SNAPC3: variants seen among roughly 807,000 people sequenced by gnomAD.
SNAPC3 encodes the protein snRNA-activating protein complex subunit 3.
SNAPC3 carries 56 observed loss-of-function variants against 47.7 expected under a neutral mutation model. That is an observed-to-expected ratio of 1.18 (90% CI 0.95 to 1.47). The LOEUF (loss-of-function observed/expected upper bound fraction) is 1.47, where lower values mean the gene tolerates loss of function less well. Ranked by LOEUF, SNAPC3 falls within the 40% of genes most tolerant of loss-of-function variation. The pLI is 0.00. For synonymous variants in SNAPC3, 235 were observed against 189.9 expected (o/e 1.24, Z -1.95); for missense variants, 665 against 511.3 (o/e 1.30, Z -2.90).
intron 2 of SNAPC3, 36 bp from the exon 3 acceptor site, chr9:15,433,516 A>T: frequency 7.8e-7 from 1 of 1,279,662 alleles, no homozygotes; most frequent in Non-Finnish European, 1.1e-6. Flanking sequence ...CAAATGTTGA[A>T]CTTTGATTTT....
Position 15,460,108 on chromosome 9 carries a change from TGAG to T in SNAPC3, c.*243_*245del, listed in dbSNP as rs1362458745. On this transcript the variant is annotated 3_prime_UTR_variant, in exon 9 of 9. Transcript: ENST00000380821. ...TTAGTGCTTTTTACCCATTTTGAGT[TGAG>T]TTGTAGTACTTTATATATTCTGACT... is the stretch of plus-strand genomic sequence containing the variant. The T allele has an allele frequency of 1.3e-5, 4 of 316,218 alleles. No individual in the cohort carries two copies. Among genetic ancestry groups the T allele is most frequent in the Non-Finnish European group, 2.3e-5 (4 of 175,422 alleles). 19.6% of individuals were successfully genotyped at this position (316,218 alleles called of 1,614,324 possible).
At position 15,455,060 on chromosome 9, in the gene SNAPC3, C is replaced by T. The variant is rs1024131534; in HGVS notation, c.980+1855C>T. Among the ~76,000 whole-genome samples the T allele has an allele frequency of 2.6e-5, 4 of 152,180 alleles. No individual in the cohort carries two copies. The South Asian group carries it at 6.2e-4, about 24-fold the overall frequency. ...GGCTTAGGTAGAAGTAGCAGTAATT[C>T]GTCCTGAATTAAATATCTGTTTAAC... On this transcript the variant is annotated intron_variant, in intron 7 of 8. Transcript: ENST00000380821.
At chr9:15,445,326 G>A (rs2033843147) in intron 4 of SNAPC3, among the ~76,000 whole-genome samples, 1 of 152,132 alleles carries the variant, frequency 6.6e-6, no homozygotes, top group Non-Finnish European at 1.5e-5. Flanking sequence ...AATTCTTGAG[G>A]GATTTTTGCA....
chr9:15,426,481 A>G (rs1444074062), intron 2 of SNAPC3, among the ~76,000 whole-genome samples: 5 of 152,338 alleles, frequency 3.3e-5, no homozygotes, highest in African/African-American at 7.2e-5. Context: ...ACTCACTGCT[A>G]TATTACCAAT....
intron 2 of SNAPC3, among the ~76,000 whole-genome samples, chr9:15,427,635 C>T (rs995162256): frequency 1.3e-5 from 2 of 152,106 alleles, no homozygotes; most frequent in East Asian, 1.9e-4. Context: ...GCGTGAGCCA[C>T]GACGCCCAGC....
At chr9:15,456,574 C>T (rs964871401) in intron 7 of SNAPC3, among the ~76,000 whole-genome samples, 45 of 151,766 alleles carry the variant, frequency 3.0e-4, no homozygotes, top group African/African-American at 9.7e-4. Context: ...CTGAAGTAGT[C>T]GTCTTCCCTC....
downstream of SNAPC3, chr9:15,466,713 A>T (rs769313271): frequency 4.6e-6 from 7 of 1,512,046 alleles, no homozygotes; most frequent in African/African-American, 4.2e-5. Context: ...TGAATAATAA[A>T]AAACACACAA....
intron 2 of SNAPC3, among the ~76,000 whole-genome samples, chr9:15,425,558 T>G (rs934666157): frequency 6.6e-6 from 1 of 152,156 alleles, no homozygotes; most frequent in African/African-American, 2.4e-5. Context: ...CTTTCCAGAT[T>G]ACCACAACCC....
At chr9:15,458,192 A>T in intron 8 of SNAPC3, 125 bp downstream of exon 8, 2 of 545,412 alleles carry the variant, frequency 3.7e-6, no homozygotes, top group Non-Finnish European at 6.3e-6. Context: ...ATCATCTAGT[A>T]GGGAAGTGCC....
In SNAPC3 at chr9:15,423,068, G is replaced by A; in HGVS notation, c.189G>A (p.Leu63=). ...GRLRGAGDLS[L]REPPASALPG... ...TGCGCGGGGCCGGGGACTTGTCGCT[G>A]AGGGAGCCGCCGGCATCCGCTCTGC... The change falls in exon 1 of 9, where the codon CTG becomes CTA. Residue 63 remains leucine, a synonymous_variant. Transcript: ENST00000380821. The A allele has an allele frequency of 6.6e-7, 1 of 1,517,666 alleles. No homozygotes were observed. Among genetic ancestry groups the A allele is most frequent in the Non-Finnish European group, 8.8e-7 (1 of 1,141,572 alleles). 94.0% of individuals were successfully genotyped at this position (1,517,666 alleles called of 1,614,324 possible).
chr9:15,444,497 A>T, intron 3 of SNAPC3, 105 bp from the exon 4 acceptor site: 1 of 675,102 alleles, frequency 1.5e-6, no homozygotes, highest in Middle Eastern at 2.5e-4. Context: ...TTAGGTGTCA[A>T]ACCCAAGGCT....
intron 3 of SNAPC3, among the ~76,000 whole-genome samples, chr9:15,435,742 AAAG>A (rs1248962798): frequency 1.3e-5 from 2 of 151,998 alleles, no homozygotes; most frequent in African/African-American, 2.4e-5. Flanking sequence ...AAAAAAAAAA[AAAG>A]AGTTCTTTGT....
At position 15,460,547 on chromosome 9, in the gene SNAPC3, T is replaced by A. The variant is rs1319666660; in HGVS notation, c.*681T>A. The A allele has an allele frequency of 6.6e-6, 1 of 152,268 alleles. No individual in the cohort carries two copies. The highest frequency in any genetic ancestry group is 1.5e-5 in the Non-Finnish European group (1 of 68,082). The allele number at this position is 152,268 out of a possible 1,614,324, so 9.4% of individuals were successfully genotyped here. ...CTGGGATTGCAGGCACCTGGCACCA[T>A]GCCTGGCTAATTTTTGTATTTTTAG... On this transcript the variant is annotated 3_prime_UTR_variant, in exon 9 of 9. Transcript: ENST00000380821.
At chr9:15,466,578 A>G (rs899024983), downstream of SNAPC3, among the ~76,000 whole-genome samples, 1 of 152,236 alleles carries the variant, frequency 6.6e-6, no homozygotes, top group Non-Finnish European at 1.5e-5. Context: ...CACTGTCAAT[A>G]AAAGGTTTTT....
intron 3 of SNAPC3, among the ~76,000 whole-genome samples, chr9:15,435,179 C>G (rs911764016): frequency 6.6e-6 from 1 of 152,038 alleles, no homozygotes; most frequent in Non-Finnish European, 1.5e-5. Context: ...TGCTGAACAT[C>G]TTTTTATTTG....
intron 3 of SNAPC3, among the ~76,000 whole-genome samples, chr9:15,435,974 G>C (rs1407909976): frequency 6.6e-6 from 1 of 151,542 alleles, no homozygotes; most frequent in Non-Finnish European, 1.5e-5. Context: ...CTCCCAAGTG[G>C]CTGGGATTAC....
At chr9:15,456,484 T>C (rs1405435096) in intron 7 of SNAPC3, among the ~76,000 whole-genome samples, 1 of 152,080 alleles carries the variant, frequency 6.6e-6, no homozygotes, top group Non-Finnish European at 1.5e-5. Flanking sequence ...TTTTTTTTTC[T>C]TGAGAGGGGA....
At chr9:15,454,737 A>G (rs891494502) in intron 7 of SNAPC3, among the ~76,000 whole-genome samples, 2 of 152,166 alleles carry the variant, frequency 1.3e-5, no homozygotes, top group Admixed American at 1.3e-4. Context: ...GGAGATCGAG[A>G]CCATGCTGGC....
chr9:15,444,608 C>T lies in SNAPC3; in HGVS notation c.484C>T (p.His162Tyr). 10 of 1,602,554 alleles carry T rather than the reference C, an allele frequency of 6.2e-6. No homozygotes were observed. The highest frequency in any genetic ancestry group is 8.5e-6 in the Non-Finnish European group (10 of 1,170,026). Residue 162 changes from histidine (H) to tyrosine (Y), a missense_variant, in exon 4 of 9, where the codon CAT becomes TAT. His to Tyr is a moderately conservative substitution (Grantham distance 83, BLOSUM62 2). Transcript: ENST00000380821. ...QETFVYEMES[H>Y]AIGKKPENSA... ...TCTCTTTTTCTTTCTTCAGGAGTCACATGCCATAGGAAAAAAGCCTGAAAA... is the reference window on the plus strand; with the variant it reads ...TCTCTTTTTCTTTCTTCAGGAGTCATATGCCATAGGAAAAAAGCCTGAAAA...
Sources: allele counts gnomAD v4.1 joint callset (sites outside exome capture counted in the v4.1 genomes callset), GRCh38; gene constraint gnomAD v4.1.1; transcripts MANE v1.5; gene names NCBI Gene and HGNC (gene_info 2026-07-23, HGNC 2026-07-21).